Variants in MIR2052HG observed in about 807,000 individuals in gnomAD.
MIR2052HG encodes the protein MIR2052 host gene.
At chr8:74,639,814 C>CTT (rs35063266) in intron 2 of MIR2052HG, among the ~76,000 whole-genome samples, 15 of 149,650 alleles carry the variant, frequency 1.0e-4, no homozygotes, top group African/African-American at 2.0e-4. Flanking sequence ...ATTAAACATA[C>CTT]TTTTTTTTTT....
chr8:74,713,923 A>C (rs1037640781), intron 4 of MIR2052HG, among the ~76,000 whole-genome samples: 6 of 152,088 alleles, frequency 3.9e-5, no homozygotes, highest in Non-Finnish European at 7.4e-5. Flanking sequence ...CAAATGTATT[A>C]CCCCAAAAAT....
rs139669822 is a variant in MIR2052HG at position 74,607,232 on chromosome 8, T to C, written n.129-5621T>C. ...CATAAAAATAATAGTAGCTATAAGA[T>C]AATTAATTCACAATAATAAAGGGAG... On this transcript the variant is annotated intron_variant and non_coding_transcript_variant, in intron 1 of 6. Coordinates refer to ENST00000523442, the Ensembl canonical transcript of MIR2052HG. Among the ~76,000 whole-genome samples, 99 of 152,282 alleles carry C rather than the reference T, an allele frequency of 6.5e-4. No homozygotes were observed. The Middle Eastern group carries it at 0.014, about 21-fold the overall frequency.
intron 2 of MIR2052HG, among the ~76,000 whole-genome samples, chr8:74,635,742 A>G (rs183343491): frequency 3.2e-4 from 48 of 152,252 alleles, no homozygotes; most frequent in East Asian, 2.9e-3. Context: ...TTTGGTCAGG[A>G]GCATATATTG....
chr8:74,669,556 T>C (rs995853453), intron 2 of MIR2052HG, among the ~76,000 whole-genome samples: 3 of 152,166 alleles, frequency 2.0e-5, no homozygotes, highest in Non-Finnish European at 2.9e-5. Flanking sequence ...AAGAATCAAA[T>C]CCAAACTTTT....
chr8:74,751,527 G>A (rs918983211), intron 4 of MIR2052HG, among the ~76,000 whole-genome samples: 4 of 152,176 alleles, frequency 2.6e-5, no homozygotes, highest in African/African-American at 9.7e-5. Context: ...TGAAAATGTT[G>A]TGACCAGAGG....
At chr8:74,670,622 A>C (rs989278348) in intron 2 of MIR2052HG, among the ~76,000 whole-genome samples, 5 of 152,198 alleles carry the variant, frequency 3.3e-5, no homozygotes, top group Non-Finnish European at 5.9e-5. Context: ...AGTGAAAAAG[A>C]AAAGTTAGAT....
intron 2 of MIR2052HG, among the ~76,000 whole-genome samples, chr8:74,637,120 G>T (rs1808590025): frequency 2.0e-5 from 3 of 152,136 alleles, no homozygotes; most frequent in Non-Finnish European, 1.5e-5. Context: ...GTGGAGAGTA[G>T]GAGAAATTCA....
intron 4 of MIR2052HG, among the ~76,000 whole-genome samples, chr8:74,715,024 T>A (rs751760848): frequency 1.3e-5 from 2 of 152,142 alleles, no homozygotes; most frequent in Non-Finnish European, 2.9e-5. Flanking sequence ...ACCAAACACA[T>A]CTTTGCCAGG....
chr8:74,732,578 A>C (rs149269501), intron 4 of MIR2052HG, among the ~76,000 whole-genome samples: 1 of 152,328 alleles, frequency 6.6e-6, no homozygotes, highest in East Asian at 1.9e-4. Context: ...TAACATATAC[A>C]CAATAAGTAA....
At chr8:74,708,984 G>A (rs1043070973) in intron 4 of MIR2052HG, among the ~76,000 whole-genome samples, 1 of 151,998 alleles carries the variant, frequency 6.6e-6, no homozygotes, top group Admixed American at 6.6e-5. Flanking sequence ...TTAGTCATCC[G>A]TATAATGATA....
intron 2 of MIR2052HG, among the ~76,000 whole-genome samples, chr8:74,646,927 C>CAAATAAATAAAT (rs55655738): frequency 0.04 from 6,050 of 151,160 alleles, 198 homozygotes; most frequent in Non-Finnish European, 0.051. Context: ...AACCCTGTCT[C>CAAATAAATAAAT]AAATAAATAA....
chr8:74,703,303 A>C (rs1205459081), intron 3 of MIR2052HG, among the ~76,000 whole-genome samples: 3 of 152,074 alleles, frequency 2.0e-5, no homozygotes, highest in Non-Finnish European at 2.9e-5. Flanking sequence ...TATAGACTTA[A>C]GGAAGGATGC....
chr8:74,671,814 T>G (rs1808995663), intron 2 of MIR2052HG, among the ~76,000 whole-genome samples: 1 of 152,112 alleles, frequency 6.6e-6, no homozygotes, highest in Admixed American at 6.6e-5. Flanking sequence ...AGGTTGAATT[T>G]TATCATTTTC....
intron 2 of MIR2052HG, among the ~76,000 whole-genome samples, chr8:74,651,200 T>A (rs1342269764): frequency 6.6e-6 from 1 of 152,006 alleles, no homozygotes; most frequent in Non-Finnish European, 1.5e-5. Flanking sequence ...CGTTGGGAAC[T>A]GGTTGTTTTT....
At chr8:74,627,146 G>A (rs1045898148) in intron 2 of MIR2052HG, among the ~76,000 whole-genome samples, 1 of 152,154 alleles carries the variant, frequency 6.6e-6, no homozygotes, top group African/African-American at 2.4e-5. Context: ...CCTCAGTTGA[G>A]TCAGGTTCTG....
intron 4 of MIR2052HG, among the ~76,000 whole-genome samples, chr8:74,722,454 A>G (rs1367899197): frequency 6.6e-6 from 1 of 152,250 alleles, no homozygotes; most frequent in Non-Finnish European, 1.5e-5. Flanking sequence ...ATTTTTGTAG[A>G]AATCATTCTT....
chr8:74,746,447 G>A (rs1809886189), intron 4 of MIR2052HG, among the ~76,000 whole-genome samples: 1 of 152,042 alleles, frequency 6.6e-6, no homozygotes, highest in African/African-American at 2.4e-5. Flanking sequence ...CTCAGTGAAG[G>A]GGACAGACAC....
At chr8:74,630,258 A>T (rs1808490033) in intron 2 of MIR2052HG, among the ~76,000 whole-genome samples, 1 of 152,144 alleles carries the variant, frequency 6.6e-6, no homozygotes, top group South Asian at 2.1e-4. Flanking sequence ...CAAGAGAGAA[A>T]ATCTGACATA....
intron 4 of MIR2052HG, among the ~76,000 whole-genome samples, chr8:74,740,584 A>G (rs796194190): frequency 5.3e-5 from 8 of 152,368 alleles, no homozygotes; most frequent in African/African-American, 1.9e-4. Context: ...AAAAACAGAC[A>G]TAAAGAATAT....
Sources: allele counts gnomAD v4.1 joint callset (sites outside exome capture counted in the v4.1 genomes callset), GRCh38; gene constraint gnomAD v4.1.1; transcripts MANE v1.5; gene names NCBI Gene and HGNC (gene_info 2026-07-23, HGNC 2026-07-21).